The following EARS2 variants were observed in gnomAD, a reference collection of about 807,000 sequenced individuals.
The protein encoded by EARS2 is glutamyl-tRNA synthetase 2, mitochondrial, also known as nondiscriminating glutamyl-tRNA synthetase EARS2, mitochondrial.
Under a neutral mutation model 54.1 loss-of-function variants are expected in EARS2, and 50 were observed. That is an observed-to-expected ratio of 0.92 (90% CI 0.74 to 1.17). EARS2 has a LOEUF of 1.17. Ranked by LOEUF, EARS2 falls within the 50% of genes most tolerant of loss-of-function variation. The pLI is 0.00. For synonymous variants in EARS2, 298 were observed against 281.0 expected (o/e 1.06, Z -0.61); for missense variants, 673 against 675.0 (o/e 1.00, Z 0.03).
In EARS2 at chr16:23,534,959, T is replaced by C. The variant is rs1288616102; in HGVS notation, c.887A>G (p.His296Arg). Reference protein sequence around the residue: ...SKRQGDVFLEHFAADGFLPDS... With the variant: ...SKRQGDVFLERFAADGFLPDS... ...GGGCAGGAAGCCATCAGCAGCAAAG[T>C]GCTCCAGGAAAACGTCCCCTTGCCT... The change falls in exon 4 of 9, where the codon CAC becomes CGC. Residue 296 changes from histidine to arginine, a missense_variant. This residue lies in a region of EARS2 where 338 missense variants were observed against 361.2 expected (regional missense o/e 0.94). Transcript: ENST00000449606. 6 of 1,610,890 alleles carry C rather than the reference T, an allele frequency of 3.7e-6. No homozygotes were observed. Among genetic ancestry groups the C allele is most frequent in the Non-Finnish European group, 3.4e-6 (4 of 1,177,872 alleles).
chr16:23,523,374 T>G lies in EARS2; in HGVS notation c.*997A>C, dbSNP rs1421025841. ...TGGATTTGAAGAGAAAGCCACAAAA[T>G]AGGAAGGGTGAAGGTCTCCAGTCCA... On this transcript the variant is annotated 3_prime_UTR_variant, in exon 9 of 9. Transcript: ENST00000449606. 1 of 151,860 alleles carries G rather than the reference T, an allele frequency of 6.6e-6. No homozygotes were observed. The highest frequency in any genetic ancestry group is 1.5e-5 in the Non-Finnish European group (1 of 67,990). The allele number at this position is 151,860 out of a possible 1,614,324, so 9.4% of individuals were successfully genotyped here.
intron 1 of EARS2, chr16:23,556,930 G>T: frequency 1.5e-6 from 1 of 665,322 alleles, no homozygotes; most frequent in Non-Finnish European, 2.8e-6. Context: ...TACAACACCT[G>T]TTACACAGGT....
At chr16:23,556,829 T>C (rs1965796884) in intron 1 of EARS2, 1 of 482,194 alleles carries the variant, frequency 2.1e-6, no homozygotes, top group African/African-American at 2.0e-5. Flanking sequence ...ATTACACTTA[T>C]TTTTTATAAG....
At position 23,525,266 on chromosome 16, in the gene EARS2, C is replaced by T. The variant is rs757965573; in HGVS notation, c.1466G>A (p.Arg489Gln). Residue 489 changes from arginine to glutamine, a missense_variant, in exon 8 of 9, where the codon CGG (arginine) becomes CAG (glutamine). This residue lies in a region of EARS2 where 338 missense variants were observed against 361.2 expected (regional missense o/e 0.94). Coordinates refer to ENST00000449606, the MANE Select transcript of EARS2 (RefSeq NM_001083614.2). ...TKYSNVMKLL[R>Q]MALSGQQQGP... is the part of the protein sequence containing the mutation. The stretch of plus-strand genomic sequence containing the variant: ...CACCTGCTGTCCACTGAGGGCCATC[C>T]GAAGGAGTTTCATCACATTACTGTA... 75 of 1,614,116 alleles carry T rather than the reference C, an allele frequency of 4.6e-5. No individual in the cohort carries two copies. The highest frequency in any genetic ancestry group is 1.3e-4 in the East Asian group (6 of 44,882).
chr16:23,547,956 C>T (rs1330884184), intron 2 of EARS2, among the ~76,000 whole-genome samples: 7 of 151,802 alleles, frequency 4.6e-5, no homozygotes, highest in African/African-American at 9.7e-5. Context: ...AATAGCCAGG[C>T]GCGGTGGCTC....
At position 23,544,719 on chromosome 16, in the gene EARS2, T is replaced by C; in HGVS notation, c.296-16A>G. 6.3e-7 allele frequency: 1 copy of C among 1,587,102 alleles called. No homozygotes were observed. The highest frequency in any genetic ancestry group is 1.3e-5 in the African/African-American group (1 of 74,688). On this transcript the variant is annotated splice_polypyrimidine_tract_variant and intron_variant, in intron 2 of 8. Coordinates refer to ENST00000449606, the MANE Select transcript of EARS2 (RefSeq NM_001083614.2). ...GGCGGGATGCCTGGAACACAGGGAA[T>C]AATGACAGCTAAGGTGCACACAGCG...
At chr16:23,556,914 A>C in intron 1 of EARS2, 1 of 641,192 alleles carries the variant, frequency 1.6e-6, no homozygotes, top group East Asian at 3.2e-5. Context: ...ACTGTATCCC[A>C]GCGTCTACAA....
At chr16:23,528,582 G>A (rs996796553) in intron 7 of EARS2, among the ~76,000 whole-genome samples, 9 of 152,210 alleles carry the variant, frequency 5.9e-5, no homozygotes, top group Admixed American at 3.9e-4. Flanking sequence ...AGGCAGTTAC[G>A]ACACTGAATC....
In EARS2 at chr16:23,522,194, C is replaced by T. The variant is rs1324057742; in HGVS notation, c.*2177G>A. The T allele has an allele frequency of 4.9e-6, 1 of 203,126 alleles. No individual in the cohort carries two copies. The highest frequency in any genetic ancestry group is 1.0e-5 in the Non-Finnish European group (1 of 96,402). 12.6% of individuals were successfully genotyped at this position (203,126 alleles called of 1,614,324 possible). A position where few individuals can be genotyped will look rare whatever the true frequency, so the allele number is the denominator to read the frequency against. ...ATTACATCATCTTCTGGAGAAAGCT[C>T]CCTAGTTTTCCTTGAGAACAACTTT... On this transcript the variant is annotated 3_prime_UTR_variant, in exon 9 of 9. Transcript: ENST00000449606.
At chr16:23,556,092 C>A (rs559764070) in intron 1 of EARS2, among the ~76,000 whole-genome samples, 3 of 152,222 alleles carry the variant, frequency 2.0e-5, no homozygotes, top group Non-Finnish European at 4.4e-5. Context: ...CTGCTCTAGG[C>A]TATACTGCCT....
At chr16:23,528,222 C>T (rs1292961944) in intron 7 of EARS2, among the ~76,000 whole-genome samples, 2 of 152,146 alleles carry the variant, frequency 1.3e-5, no homozygotes, top group Non-Finnish European at 2.9e-5. Context: ...CTATAGCAAC[C>T]CCATGGACTG....
intron 2 of EARS2, among the ~76,000 whole-genome samples, chr16:23,551,593 C>T (rs1965695905): frequency 6.6e-6 from 1 of 151,904 alleles, no homozygotes; most frequent in Non-Finnish European, 1.5e-5. Flanking sequence ...GCCTGGGTAA[C>T]AAAATGAGAC....
intron 7 of EARS2, among the ~76,000 whole-genome samples, chr16:23,527,178 C>T (rs941382385): frequency 1.3e-5 from 2 of 152,136 alleles, no homozygotes; most frequent in Non-Finnish European, 2.9e-5. Context: ...GTTGCCCAGG[C>T]TGGTCTCAAA....
chr16:23,532,986 T>C (rs1460083599), intron 4 of EARS2, among the ~76,000 whole-genome samples: 1 of 152,136 alleles, frequency 6.6e-6, no homozygotes, highest in Non-Finnish European at 1.5e-5. Flanking sequence ...ACCTGGCTAA[T>C]TTTTAAATTT....
chr16:23,556,666 G>A, intron 1 of EARS2: 2 of 332,706 alleles, frequency 6.0e-6, no homozygotes, highest in South Asian at 2.4e-5. Flanking sequence ...GCCTCCAGAA[G>A]GTTCCTTCTA....
rs750752290 is a variant in EARS2, at chr16:23,544,617, T to C, written c.382A>G (p.Thr128Ala). The change falls in exon 3 of 9, where the codon ACA becomes GCA. Residue 128 changes from threonine to alanine, a missense_variant. By Grantham distance (58) the Thr-to-Ala change is moderately conservative. This residue lies in a region of EARS2 where 316 missense variants were observed against 275.2 expected (regional missense o/e 1.15). Coordinates refer to ENST00000449606, the MANE Select transcript of EARS2 (RefSeq NM_001083614.2). ...GCTCCGGTCTTCAGCAGCGCTTCTG[T>C]GGCCTGGGCATACAGCTCCAACCGC... ...SQRLELYAQA[T>A]EALLKTGAAY... The C allele has an allele frequency of 6.2e-6, 10 of 1,613,374 alleles. No individual in the cohort carries two copies. The highest frequency in any genetic ancestry group is 5.9e-6 in the Non-Finnish European group (7 of 1,179,852).
In EARS2 at chr16:23,522,937, T is replaced by C. The variant is rs1965163584; in HGVS notation, c.*1434A>G. The C allele has an allele frequency of 6.6e-6, 1 of 152,166 alleles. No individual in the cohort carries two copies. Among genetic ancestry groups the C allele is most frequent in the Admixed American group, 6.5e-5 (1 of 15,268 alleles). The allele number at this position is 152,166 out of a possible 1,614,324, so 9.4% of individuals were successfully genotyped here. A position where few individuals can be genotyped will look rare whatever the true frequency, so the allele number is the denominator to read the frequency against. ...ATTGGTGGGAGGCCTCGATCCCTTG[T>C]CATGTGGAGCACTCCATAAGGCTGC... On this transcript the variant is annotated 3_prime_UTR_variant, in exon 9 of 9. Transcript: ENST00000449606.
In EARS2 at chr16:23,521,672, C is replaced by T. The variant is rs1269473752; in HGVS notation, c.*2699G>A. The T allele has an allele frequency of 6.6e-6, 3 of 452,732 alleles. No homozygotes were observed. The highest frequency in any genetic ancestry group is 1.6e-5 in the South Asian group (1 of 64,346). 28.0% of individuals were successfully genotyped at this position (452,732 alleles called of 1,614,324 possible). A position where few individuals can be genotyped will look rare whatever the true frequency, so the allele number is the denominator to read the frequency against. Reference sequence around the variant, plus strand: ...ACCTTTGCCTCACAAAGCATTAGGACGTATTTGTCCTTTTGTGACTGACAT... The same window carrying T: ...ACCTTTGCCTCACAAAGCATTAGGATGTATTTGTCCTTTTGTGACTGACAT... On this transcript the variant is annotated 3_prime_UTR_variant, in exon 9 of 9. Coordinates refer to ENST00000449606, the MANE Select transcript of EARS2 (RefSeq NM_001083614.2).
intron 5 of EARS2, among the ~76,000 whole-genome samples, chr16:23,531,929 C>A (rs1299225930): frequency 3.9e-5 from 6 of 152,198 alleles, no homozygotes; most frequent in Admixed American, 3.9e-4. Flanking sequence ...GATCCTCGTG[C>A]CTCAGCCTCC....
Sources: gnomAD v4.1 joint callset for allele counts (sites outside exome capture counted in the v4.1 genomes callset) on GRCh38, gnomAD v4.1.1 for gene constraint, gnomAD v4.1.1 regional missense constraint, MANE v1.5 for transcripts, NCBI Gene and HGNC (gene_info 2026-07-23, HGNC 2026-07-21) for gene names.